Variants in ADAMTS17 observed in about 807,000 individuals in gnomAD.
The protein encoded by ADAMTS17 is ADAM metallopeptidase with thrombospondin type 1 motif 17, also known as A disintegrin and metalloproteinase with thrombospondin motifs 17.
A neutral mutation model predicts 141.5 loss-of-function variants in ADAMTS17; 113 were observed. The observed-to-expected ratio is 0.80, with a 90% CI of 0.69 to 0.93. The LOEUF is 0.93. Ranked by LOEUF, ADAMTS17 falls within the 40% of genes least tolerant of loss-of-function variation. The pLI is 0.00. For synonymous variants in ADAMTS17, 768 were observed against 630.6 expected (o/e 1.22, Z -3.27); for missense variants, 1,659 against 1,517.9 (o/e 1.09, Z -1.54).
chr15:100,033,353 G>GA lies in ADAMTS17; in HGVS notation c.2591+15503dup, dbSNP rs2030373374. Among the ~76,000 whole-genome samples, 12 of 152,334 alleles carry GA rather than the reference G, an allele frequency of 7.9e-5. No individual in the cohort carries two copies. The South Asian group carries it at 2.5e-3, about 32-fold the overall frequency. On this transcript the variant is annotated intron_variant, in intron 18 of 21. Coordinates refer to ENST00000268070, the MANE Select transcript of ADAMTS17 (RefSeq NM_139057.4). ...TGAGAATCACACAGCTGCTGATGTT[G>GA]AAAGTTCCCATCCAAGAGTAACATT...
Position 100,308,750 on chromosome 15 carries a change from A to T in ADAMTS17, c.616+22139T>A, listed in dbSNP as rs115242621. ...GGCTACTTTCTCCACGAGACAACCC[A>T]GTGTACATCACCAGGGGAGTCTGAC... is the stretch of plus-strand genomic sequence containing the variant. On this transcript the variant is annotated intron_variant, in intron 3 of 21. Transcript: ENST00000268070. Among the ~76,000 whole-genome samples, 622 of 152,282 alleles carry T rather than the reference A, an allele frequency of 4.1e-3. 3 individuals are homozygous for T. Among genetic ancestry groups the T allele is most frequent in the African/African-American group, 0.014 (576 of 41,560 alleles).
intron 19 of ADAMTS17, among the ~76,000 whole-genome samples, chr15:99,995,285 A>G (rs571495122): frequency 2.0e-5 from 3 of 152,302 alleles, no homozygotes; most frequent in Admixed American, 6.5e-5. Flanking sequence ...CCAGGAACCC[A>G]TGCACCATTT....
At chr15:99,991,587 G>T (rs2060690906) in intron 20 of ADAMTS17, among the ~76,000 whole-genome samples, 1 of 152,236 alleles carries the variant, frequency 6.6e-6, no homozygotes, top group East Asian at 1.9e-4. Context: ...ATGTAAATTA[G>T]TTCAACCATT....
At chr15:100,268,033 G>A (rs1038391011) in intron 4 of ADAMTS17, among the ~76,000 whole-genome samples, 2 of 152,190 alleles carry the variant, frequency 1.3e-5, no homozygotes, top group African/African-American at 4.8e-5. Context: ...TCCCACTTAT[G>A]AGTGAGAATA....
At chr15:100,260,614 C>CA (rs5814957) in intron 6 of ADAMTS17, among the ~76,000 whole-genome samples, 135 of 143,942 alleles carry the variant, frequency 9.4e-4, no homozygotes, top group Middle Eastern at 3.7e-3. Context: ...GACTCCATCT[C>CA]AAAAAAAAAA....
intron 3 of ADAMTS17, among the ~76,000 whole-genome samples, chr15:100,294,547 C>CA (rs781219628): frequency 0.023 from 3,024 of 129,334 alleles, 43 homozygotes; most frequent in East Asian, 0.079. Flanking sequence ...CCAGCGTGGG[C>CA]AAAAAAAAAA....
In ADAMTS17 at chr15:100,261,628, C is replaced by T. The variant is rs1296465493; in HGVS notation, c.882G>A (p.Leu294=). ...ACCGCTCACCATGGTGCCCAATGGA[C>T]AACTTAGCCTAAAAAAAGTCAGAGG... ...LVLLRQRPAK[L]SIGHHGERSL... Residue 294 remains leucine, a synonymous_variant, in exon 6 of 22, where the codon TTG becomes TTA. Transcript: ENST00000268070. 1.2e-6 allele frequency: 2 copies of T among 1,613,534 alleles called. No individual in the cohort carries two copies. Among genetic ancestry groups the T allele is most frequent in the Non-Finnish European group, 1.7e-6 (2 of 1,179,718 alleles).
chr15:100,260,442 C>T (rs1280510139), intron 6 of ADAMTS17, among the ~76,000 whole-genome samples: 4 of 151,806 alleles, frequency 2.6e-5, no homozygotes, highest in Non-Finnish European at 5.9e-5. Flanking sequence ...GGTGAAACCC[C>T]ATCTCTACTA....
At chr15:100,098,250 A>C (rs540942960) in intron 14 of ADAMTS17, among the ~76,000 whole-genome samples, 64 of 152,050 alleles carry the variant, frequency 4.2e-4, no homozygotes, top group Non-Finnish European at 6.0e-4. Context: ...ACCTGGAGGG[A>C]AGCCAGCTGT....
intron 3 of ADAMTS17, among the ~76,000 whole-genome samples, chr15:100,307,210 T>C (rs994049522): frequency 2.0e-5 from 3 of 152,102 alleles, no homozygotes; most frequent in African/African-American, 7.2e-5. Flanking sequence ...GATGACCACG[T>C]TATAGGACAG....
At chr15:100,022,818 C>T (rs998074622) in intron 18 of ADAMTS17, among the ~76,000 whole-genome samples, 1 of 152,102 alleles carries the variant, frequency 6.6e-6, no homozygotes, top group African/African-American at 2.4e-5. Context: ...AGCTAATGAG[C>T]TACAGAAACC....
At chr15:100,013,552 T>C (rs527400881) in intron 18 of ADAMTS17, among the ~76,000 whole-genome samples, 29 of 152,328 alleles carry the variant, frequency 1.9e-4, no homozygotes, top group African/African-American at 7.0e-4. Flanking sequence ...CATTGAGGTA[T>C]GTCCCTCGCA....
At chr15:100,155,628 G>A (rs972065291) in intron 8 of ADAMTS17, among the ~76,000 whole-genome samples, 1 of 152,278 alleles carries the variant, frequency 6.6e-6, no homozygotes. Flanking sequence ...TAAACTTTAA[G>A]CTTCTGATGG....
chr15:100,143,003 T>C (rs2038733273), intron 10 of ADAMTS17, among the ~76,000 whole-genome samples: 1 of 152,200 alleles, frequency 6.6e-6, no homozygotes, highest in Non-Finnish European at 1.5e-5. Context: ...AGCACTACTG[T>C]GTGGCAGCCA....
intron 7 of ADAMTS17, among the ~76,000 whole-genome samples, chr15:100,220,107 CATTT>C (rs1239252389): frequency 6.6e-6 from 1 of 152,142 alleles, no homozygotes; most frequent in Non-Finnish European, 1.5e-5. Context: ...TCCATCCACT[CATTT>C]ATTTATTGAA....
In ADAMTS17 at chr15:100,132,231, G is replaced by A. The variant is rs867730471; in HGVS notation, c.1576-79C>T. 206 of 1,548,010 alleles carry A rather than the reference G, an allele frequency of 1.3e-4. 2 individuals carry two copies. The South Asian group carries it at 1.5e-3, about 11-fold the overall frequency. On this transcript the variant is annotated intron_variant, in intron 11 of 21. Coordinates refer to ENST00000268070, the MANE Select transcript of ADAMTS17 (RefSeq NM_139057.4). ...CCAGCCCGCCAGGCCCCAAAATGCC[G>A]TGCTGCCAAAAACCCATTTGCTAAA...
intron 8 of ADAMTS17, among the ~76,000 whole-genome samples, chr15:100,190,284 G>A (rs759264307): frequency 1.6e-4 from 25 of 152,258 alleles, no homozygotes; most frequent in Admixed American, 1.0e-3. Flanking sequence ...GCATGATTCC[G>A]TGGCTCTCCC....
intron 3 of ADAMTS17, among the ~76,000 whole-genome samples, chr15:100,324,166 G>A (rs61362269): frequency 0.069 from 10,548 of 152,116 alleles, 1,146 homozygotes; most frequent in African/African-American, 0.23. Context: ...TCAGTCGGGC[G>A]TGCTGGTGGG....
At chr15:100,175,122 T>C (rs981790130) in intron 8 of ADAMTS17, among the ~76,000 whole-genome samples, 3 of 152,190 alleles carry the variant, frequency 2.0e-5, no homozygotes, top group African/African-American at 7.2e-5. Flanking sequence ...CGATCTCACA[T>C]TTGGAGTGAA....
Sources: allele counts gnomAD v4.1 joint callset (sites outside exome capture counted in the v4.1 genomes callset), GRCh38; gene constraint gnomAD v4.1.1; transcripts MANE v1.5; gene names NCBI Gene and HGNC (gene_info 2026-07-23, HGNC 2026-07-21).